SLCO3A1: variants seen among roughly 807,000 people sequenced by gnomAD.
SLCO3A1 encodes the protein solute carrier organic anion transporter family member 3A1, also known as PGE1 transporter.
Under a neutral mutation model 63.1 loss-of-function variants are expected in SLCO3A1, and 27 were observed. That is an observed-to-expected ratio of 0.43 (90% CI 0.32 to 0.59). The LOEUF (loss-of-function observed/expected upper bound fraction) is 0.59, where lower values mean the gene tolerates loss of function less well. SLCO3A1 is among the 20% of genes least tolerant of loss of function. The pLI is 0.09. For synonymous variants in SLCO3A1, 473 were observed against 409.9 expected (o/e 1.15, Z -1.86); for missense variants, 773 against 945.8 (o/e 0.82, Z 2.40).
At chr15:91,981,546 A>G (rs890741053) in intron 2 of SLCO3A1, among the ~76,000 whole-genome samples, 9 of 152,098 alleles carry the variant, frequency 5.9e-5, no homozygotes, top group African/African-American at 1.9e-4. Flanking sequence ...TGCGCATTCC[A>G]TAAGTCCTTC....
intron 9 of SLCO3A1, among the ~76,000 whole-genome samples, chr15:92,155,626 A>T (rs920417080): frequency 7.1e-6 from 1 of 141,476 alleles, no homozygotes; most frequent in African/African-American, 2.5e-5. Flanking sequence ...ATGCAGGATA[A>T]CCCATCAAAA....
chr15:91,989,546 A>G (rs1276460341), intron 2 of SLCO3A1, among the ~76,000 whole-genome samples: 1 of 152,260 alleles, frequency 6.6e-6, no homozygotes, highest in Non-Finnish European at 1.5e-5. Context: ...ACAAGAACAT[A>G]GAGGGCTCAA....
chr15:91,936,772 A>G (rs554101452), intron 2 of SLCO3A1, among the ~76,000 whole-genome samples: 1 of 152,286 alleles, frequency 6.6e-6, no homozygotes, highest in South Asian at 2.1e-4. Context: ...TTTTAGTCTC[A>G]GTCTCCTGTG....
chr15:92,075,131 A>G (rs553249956), intron 2 of SLCO3A1, among the ~76,000 whole-genome samples: 2 of 152,204 alleles, frequency 1.3e-5, no homozygotes, highest in South Asian at 2.1e-4. Context: ...CCCGTGCTCC[A>G]TGTTCCTTGT....
Position 91,911,867 on chromosome 15 carries a change from C to T in SLCO3A1, c.181-4126C>T, listed in dbSNP as rs185149874. 4.6e-3 allele frequency among the ~76,000 whole-genome samples: 703 copies of T among 152,184 alleles called. 9 individuals are homozygous for T. Among genetic ancestry groups the T allele is most frequent in the African/African-American group, 0.016 (661 of 41,516 alleles). On this transcript the variant is annotated intron_variant, in intron 1 of 9. Transcript: ENST00000318445. ...GTCTCGATCTCTTGACCTTGTGATC[C>T]GCCTGCCTCAGCCTCCCAAAGTGCT...
At chr15:92,066,107 G>A (rs1220758199) in intron 2 of SLCO3A1, among the ~76,000 whole-genome samples, 1 of 152,222 alleles carries the variant, frequency 6.6e-6, no homozygotes, top group Non-Finnish European at 1.5e-5. Flanking sequence ...CCTCAGTGGA[G>A]GGCAGGATTT....
At chr15:91,919,486 C>T (rs977181097) in intron 2 of SLCO3A1, among the ~76,000 whole-genome samples, 1 of 152,222 alleles carries the variant, frequency 6.6e-6, no homozygotes, top group Non-Finnish European at 1.5e-5. Context: ...CAGACGGTGA[C>T]CCGTGGGTGG....
intron 1 of SLCO3A1, chr15:91,889,073 G>A: frequency 2.9e-5 from 25 of 865,614 alleles, no homozygotes; most frequent in East Asian, 2.0e-4. Context: ...CTAACATATA[G>A]CTAACATTTG....
intron 4 of SLCO3A1, among the ~76,000 whole-genome samples, chr15:92,118,018 A>G (rs1035500367): frequency 1.3e-5 from 2 of 152,238 alleles, no homozygotes; most frequent in Admixed American, 6.5e-5. Flanking sequence ...ATTTGAAATG[A>G]TATTTCTAAA....
chr15:92,073,956 G>A (rs541670038), intron 2 of SLCO3A1, among the ~76,000 whole-genome samples: 2 of 152,310 alleles, frequency 1.3e-5, no homozygotes, highest in East Asian at 3.9e-4. Flanking sequence ...ATCACCTGAG[G>A]TCAGGAGTTT....
intron 2 of SLCO3A1, among the ~76,000 whole-genome samples, chr15:92,074,419 GA>G (rs2047252030): frequency 6.6e-6 from 1 of 152,128 alleles, no homozygotes; most frequent in East Asian, 1.9e-4. Flanking sequence ...TGATCTTCCA[GA>G]AGAATAAAGC....
intron 2 of SLCO3A1, among the ~76,000 whole-genome samples, chr15:91,969,023 C>T (rs970153204): frequency 1.3e-5 from 2 of 152,212 alleles, no homozygotes; most frequent in Non-Finnish European, 2.9e-5. Context: ...GTGTTTAGCA[C>T]TGTCACCTTG....
At chr15:91,957,906 A>G (rs1398111278) in intron 2 of SLCO3A1, among the ~76,000 whole-genome samples, 1 of 152,216 alleles carries the variant, frequency 6.6e-6, no homozygotes, top group African/African-American at 2.4e-5. Context: ...ATGGCCTGGC[A>G]CATAACAGGT....
chr15:91,969,381 C>G (rs905728211), intron 2 of SLCO3A1, among the ~76,000 whole-genome samples: 3 of 151,868 alleles, frequency 2.0e-5, no homozygotes, highest in Non-Finnish European at 4.4e-5. Context: ...TCTTGGCTCA[C>G]TGCAACCTCC....
intron 2 of SLCO3A1, among the ~76,000 whole-genome samples, chr15:91,919,448 C>G (rs1451155945): frequency 6.6e-6 from 1 of 152,224 alleles, no homozygotes; most frequent in African/African-American, 2.4e-5. Flanking sequence ...ACTGCGGCAT[C>G]ATGCGGCACC....
chr15:91,921,976 C>G (rs926858425), intron 2 of SLCO3A1, among the ~76,000 whole-genome samples: 4 of 152,110 alleles, frequency 2.6e-5, no homozygotes, highest in African/African-American at 9.7e-5. Context: ...CTCAAGTGCT[C>G]CGCCTGCCTC....
At chr15:91,975,983 CT>C (rs1901093617) in intron 2 of SLCO3A1, among the ~76,000 whole-genome samples, 1 of 152,194 alleles carries the variant, frequency 6.6e-6, no homozygotes, top group Admixed American at 6.5e-5. Flanking sequence ...CAGCACCTCA[CT>C]TGATTATTGG....
At chr15:91,928,034 A>G (rs1899092568) in intron 2 of SLCO3A1, among the ~76,000 whole-genome samples, 1 of 152,238 alleles carries the variant, frequency 6.6e-6, no homozygotes. Flanking sequence ...AAGACAAGGT[A>G]AAAAGGCTAT....
chr15:91,942,125 T>C lies in SLCO3A1; in HGVS notation c.646+25667T>C, dbSNP rs2151400963. Among the ~76,000 whole-genome samples the C allele has an allele frequency of 6.6e-6, 1 of 151,260 alleles. No homozygotes were observed. Among genetic ancestry groups the C allele is most frequent in the Admixed American group, 6.5e-5 (1 of 15,274 alleles). ...TTTAAATGTACCTAATTTTAGGAAA[T>C]CATAATTTTGGATCACGGCAGCTTT... On this transcript the variant is annotated intron_variant, in intron 2 of 9. Transcript: ENST00000318445. The surrounding 1 kb of genome is among the most constrained non-coding windows in gnomAD (Gnocchi z 4.1).
Sources: allele counts gnomAD v4.1 joint callset (sites outside exome capture counted in the v4.1 genomes callset), GRCh38; gene constraint gnomAD v4.1.1; non-coding constraint Gnocchi (gnomAD v3.1); transcripts MANE v1.5; gene names NCBI Gene and HGNC (gene_info 2026-07-23, HGNC 2026-07-21).